RBM39: variants seen among roughly 807,000 people sequenced by gnomAD.
RBM39 encodes RNA binding motif protein 39, also known as RNA-binding protein 39.
In RBM39, 12 loss-of-function variants were observed where a neutral mutation model predicts 79.6. That is an observed-to-expected ratio of 0.15 (90% CI 0.10 to 0.24). RBM39 has a LOEUF of 0.24. RBM39 is among the 10% of genes least tolerant of loss of function. The probability of loss-of-function intolerance (pLI) is 1.00; values close to 1 mark genes in which losing one functional copy is unlikely to be tolerated. For synonymous variants in RBM39, 185 were observed against 208.4 expected (o/e 0.89, Z 0.97); for missense variants, 243 against 653.4 (o/e 0.37, Z 6.85).
At chr20:35,724,106 TG>T (rs1340175220) in intron 8 of RBM39, among the ~76,000 whole-genome samples, 1 of 151,756 alleles carries the variant, frequency 6.6e-6, no homozygotes, top group Non-Finnish European at 1.5e-5. Flanking sequence ...CTGGGGCAGG[TG>T]GATCACCTGA....
At position 35,703,732 on chromosome 20, in the gene RBM39, T is replaced by C. The variant is rs1309630825; in HGVS notation, c.*749A>G. 6.6e-6 allele frequency: 1 copy of C among 152,640 alleles called. No individual in the cohort carries two copies. The highest frequency in any genetic ancestry group is 1.9e-4 in the East Asian group (1 of 5,204). 9.5% of individuals were successfully genotyped at this position (152,640 alleles called of 1,614,324 possible). Reference sequence around the variant, plus strand: ...CACACTGAAGTAACCCAAAAATATATTTCAGAGCTCACAGAGCTTAAAAAG... The same window carrying C: ...CACACTGAAGTAACCCAAAAATATACTTCAGAGCTCACAGAGCTTAAAAAG... On this transcript the variant is annotated 3_prime_UTR_variant, in exon 17 of 17. Coordinates refer to ENST00000253363, the MANE Select transcript of RBM39 (RefSeq NM_184234.3).
intron 9 of RBM39, among the ~76,000 whole-genome samples, chr20:35,718,813 CAAAA>C (rs555136304): frequency 2.6e-5 from 1 of 37,880 alleles, no homozygotes; most frequent in African/African-American, 9.9e-5. Flanking sequence ...TACTCCATCT[CAAAA>C]AAAAAAAAAA....
At chr20:35,714,509 G>T in intron 10 of RBM39, 120 bp from the exon 11 acceptor site, 1 of 1,334,466 alleles carries the variant, frequency 7.5e-7, no homozygotes, top group East Asian at 2.6e-5. Context: ...TACTAAGGTA[G>T]AAACTGCAAG....
rs1273135255 is a variant in RBM39, at chr20:35,736,542, A to G, written c.101+2426T>C. The G allele has an allele frequency of 1.1e-5, 5 of 470,502 alleles. No individual in the cohort carries two copies. In the East Asian group the frequency reaches 3.5e-4, roughly 33 times the overall value. The allele number at this position is 470,502 out of a possible 1,614,324, so 29.1% of individuals were successfully genotyped here. ...CACAGTTGTAGTGAGAAAGACTGAC[A>G]TACTTACTATGAAGCATTTAGGGAT... On this transcript the variant is annotated intron_variant, in intron 3 of 16. Coordinates refer to ENST00000253363, the MANE Select transcript of RBM39 (RefSeq NM_184234.3).
At chr20:35,728,242 C>T (rs2038976199) in intron 6 of RBM39, among the ~76,000 whole-genome samples, 1 of 151,756 alleles carries the variant, frequency 6.6e-6, no homozygotes, top group South Asian at 2.1e-4. Context: ...CTCCACGAGG[C>T]TATTTCAAAT....
At chr20:35,740,912 T>C (rs562924243) in intron 1 of RBM39, 25 bp from the exon 2 acceptor site, 7 of 1,540,504 alleles carry the variant, frequency 4.5e-6, no homozygotes, top group East Asian at 2.2e-5. Flanking sequence ...AGACAATTTC[T>C]TGAGTAAACA....
chr20:35,721,988 CCTACGTAAGTCAGATA>C (rs2146601872), intron 8 of RBM39, 111 bp from the exon 9 acceptor site: 1 of 1,261,410 alleles, frequency 7.9e-7, no homozygotes, highest in Non-Finnish European at 1.1e-6. Flanking sequence ...AAAATACTAC[CCTACGTAAGTCAGATA>C]CTACATATCA....
At chr20:35,735,896 G>A (rs189815496) in intron 3 of RBM39, among the ~76,000 whole-genome samples, 4 of 152,286 alleles carry the variant, frequency 2.6e-5, no homozygotes, top group African/African-American at 4.8e-5. Flanking sequence ...AAAGGCCACC[G>A]AATATCACAC....
intron 6 of RBM39, among the ~76,000 whole-genome samples, chr20:35,726,779 G>T (rs1385087996): frequency 1.3e-5 from 2 of 152,064 alleles, no homozygotes; most frequent in African/African-American, 2.4e-5. Context: ...ACACTCTCAG[G>T]ATGTACGGGG....
At chr20:35,735,647 C>T (rs1192274399) in intron 3 of RBM39, among the ~76,000 whole-genome samples, 1 of 152,132 alleles carries the variant, frequency 6.6e-6, no homozygotes, top group Non-Finnish European at 1.5e-5. Context: ...TTCCTAAATA[C>T]AAAAATTTTC....
intron 14 of RBM39, among the ~76,000 whole-genome samples, chr20:35,706,101 T>C (rs2146478524): frequency 6.6e-6 from 1 of 151,240 alleles, no homozygotes; most frequent in African/African-American, 2.4e-5. Context: ...CACTTTCGGA[T>C]GCTGAAGCGA....
chr20:35,713,658 A>T (rs2036732899), intron 11 of RBM39: 1 of 114,280 alleles, frequency 8.8e-6, no homozygotes, highest in East Asian at 2.9e-4. Context: ...CCAACCAACC[A>T]ACCAACACAA....
intron 3 of RBM39, chr20:35,736,619 C>T (rs1267997508): frequency 1.3e-5 from 6 of 466,664 alleles, no homozygotes; most frequent in Non-Finnish European, 1.8e-5. Context: ...ATTTTTCTCT[C>T]GTTTTTCATT....
At chr20:35,740,912 T>A in intron 1 of RBM39, 25 bp from the exon 2 acceptor site, 1 of 1,540,506 alleles carries the variant, frequency 6.5e-7, no homozygotes, top group Non-Finnish European at 8.9e-7. Context: ...AGACAATTTC[T>A]TGAGTAAACA....
chr20:35,741,024 A>ATTTTT (rs1600675384), intron 1 of RBM39, 137 bp from the exon 2 acceptor site: 19 of 78,034 alleles, frequency 2.4e-4, no homozygotes, highest in African/African-American at 5.7e-4. Context: ...GTGAGTAAAC[A>ATTTTT]TTTTTCTTTT....
chr20:35,720,393 T>TG (rs1488041673), intron 9 of RBM39, among the ~76,000 whole-genome samples: 4 of 152,266 alleles, frequency 2.6e-5, no homozygotes, highest in Non-Finnish European at 4.4e-5. Context: ...TAACAGCTCA[T>TG]GTGGCCCCAA....
chr20:35,739,391 A>T, intron 2 of RBM39: 1 of 472,748 alleles, frequency 2.1e-6, no homozygotes, highest in Non-Finnish European at 4.4e-6. Flanking sequence ...TTTGGTCAGT[A>T]CCATGGCTCT....
intron 12 of RBM39, among the ~76,000 whole-genome samples, chr20:35,709,485 CCTAGA>C (rs1255404554): frequency 6.6e-6 from 1 of 152,098 alleles, no homozygotes; most frequent in Non-Finnish European, 1.5e-5. Flanking sequence ...CCTCTCTCTT[CCTAGA>C]CTAGACTACT....
chr20:35,716,369 C>T (rs778504079), intron 10 of RBM39, among the ~76,000 whole-genome samples: 5 of 152,110 alleles, frequency 3.3e-5, no homozygotes, highest in African/African-American at 4.8e-5. Flanking sequence ...CCACCGCGCC[C>T]GGCCACAAAA....
Sources: gnomAD v4.1 joint callset for allele counts (sites outside exome capture counted in the v4.1 genomes callset) on GRCh38, gnomAD v4.1.1 for gene constraint, MANE v1.5 for transcripts, NCBI Gene and HGNC (gene_info 2026-07-23, HGNC 2026-07-21) for gene names.